The following ZFYVE26 variants were observed in gnomAD, a reference collection of about 807,000 sequenced individuals.
ZFYVE26 encodes the protein zinc finger FYVE domain-containing protein 26.
In ZFYVE26, 181 loss-of-function variants were observed where a neutral mutation model predicts 276.5. The observed-to-expected ratio is 0.65, with a 90% CI of 0.58 to 0.74. ZFYVE26 has a LOEUF of 0.74. Among genes scored for constraint, ZFYVE26 ranks in the 30% least tolerant of loss-of-function variants. The pLI, the probability that ZFYVE26 is intolerant of heterozygous loss-of-function variation, is 0.00. For missense variants in ZFYVE26, 2,821 were observed against 3,097.9 expected (o/e 0.91, Z 2.12); for synonymous variants, 1,129 against 1,203.1 (o/e 0.94, Z 1.27).
intron 28 of ZFYVE26, among the ~76,000 whole-genome samples, chr14:67,770,743 G>C (rs1290081603): frequency 6.6e-6 from 1 of 152,132 alleles, no homozygotes; most frequent in Non-Finnish European, 1.5e-5. Flanking sequence ...GCCAACTGTT[G>C]TCATTATTAG....
At chr14:67,767,556 T>C in intron 31 of ZFYVE26, 148 bp downstream of exon 31, 2 of 1,053,106 alleles carry the variant, frequency 1.9e-6, no homozygotes, top group South Asian at 1.4e-5. Flanking sequence ...CATTATTTTC[T>C]GCCTTAATGG....
In ZFYVE26 at chr14:67,778,461, G is replaced by A. The variant is rs73278455; in HGVS notation, c.4675-213C>T. 3.1e-3 allele frequency: 1,761 copies of A among 576,500 alleles called. 23 individuals are homozygous for A. The highest frequency in any genetic ancestry group is 0.03 in the African/African-American group (1,621 of 53,402). The allele number at this position is 576,500 out of a possible 1,614,324, so 35.7% of individuals were successfully genotyped here. On this transcript the variant is annotated intron_variant, in intron 23 of 41. Transcript: ENST00000347230. The stretch of plus-strand genomic sequence containing the variant: ...TGACATGTGGCAACAGACACTTGGT[G>A]TCAACCCTGGGAAGATTCTAAGGAA...
rs777973595 is a variant in ZFYVE26 at position 67,798,158 on chromosome 14, G to C, written c.2104C>G (p.Arg702Gly). Residue 702 changes from arginine (R) to glycine (G), a missense_variant, in exon 11 of 42, where the codon CGC becomes GGC. By Grantham distance (125) the Arg-to-Gly change is moderately radical. Coordinates refer to ENST00000347230, the MANE Select transcript of ZFYVE26 (RefSeq NM_015346.4). Reference protein sequence around the residue: ...LQEQLDEISSRSPPEKPKQES... With the variant: ...LQEQLDEISSGSPPEKPKQES... ...TGCTTTGGCTTCTCAGGAGGGCTGCGGCTACTGATCTCATCCAGTTGCTCT... is the reference window on the plus strand; with the variant it reads ...TGCTTTGGCTTCTCAGGAGGGCTGCCGCTACTGATCTCATCCAGTTGCTCT... 6.2e-7 allele frequency: 1 copy of C among 1,614,016 alleles called. No individual in the cohort carries two copies. The highest frequency in any genetic ancestry group is 2.2e-5 in the East Asian group (1 of 44,878).
chr14:67,791,777 G>C (rs994373824), intron 14 of ZFYVE26, among the ~76,000 whole-genome samples: 10 of 151,922 alleles, frequency 6.6e-5, no homozygotes, highest in Non-Finnish European at 1.5e-4. Context: ...AGGCTGGGGA[G>C]GGGCTGGCGT....
At position 67,814,011 on chromosome 14, in the gene ZFYVE26, A is replaced by G; in HGVS notation, c.248T>C (p.Leu83Pro). The part of the protein sequence containing the change: ...QRVAWVWLLV[L>P]EKWLAREKKL... ...CTTTTCCCGGGCCAACCATTTCTCC[A>G]GTACAAGAAGCCAGACCCAGGCTAC... is the stretch of plus-strand genomic sequence containing the variant. Residue 83 changes from leucine to proline, a missense_variant, in exon 3 of 42, where the codon CTG (leucine) becomes CCG (proline). Physicochemically the swap from Leu to Pro is moderately conservative, Grantham distance 98 (BLOSUM62 -3). Coordinates refer to ENST00000347230, the MANE Select transcript of ZFYVE26 (RefSeq NM_015346.4). The G allele has an allele frequency of 3.7e-6, 6 of 1,613,980 alleles. No homozygotes were observed. Among genetic ancestry groups the G allele is most frequent in the Non-Finnish European group, 5.1e-6 (6 of 1,179,888 alleles).
chr14:67,758,025 T>G (rs2038833694), intron 35 of ZFYVE26, among the ~76,000 whole-genome samples: 1 of 152,198 alleles, frequency 6.6e-6, no homozygotes, highest in Non-Finnish European at 1.5e-5. Context: ...TTTTGTCTGT[T>G]TTTTTACTAC....
At chr14:67,766,501 T>C in intron 31 of ZFYVE26, 54 bp from the exon 32 acceptor site, 2 of 1,554,750 alleles carry the variant, frequency 1.3e-6, no homozygotes, top group Non-Finnish European at 1.8e-6. Context: ...GCCAGAGCAT[T>C]CTCCAAAGGC....
chr14:67,789,501 C>CGT lies in ZFYVE26; in HGVS notation c.2851_2852dup (p.Ala952ArgfsTer3). ...GGGGAGCAGTGGGCTCCACTAGAGC[C>CGT]GTGCTTATCCAAAAGTCCTCCTGGA... is the stretch of plus-strand genomic sequence containing the variant. On this transcript the variant is annotated frameshift_variant, in exon 16 of 42. Transcript: ENST00000347230. LOFTEE classifies it high-confidence loss of function. 1 of 1,614,156 alleles carries CGT rather than the reference C, an allele frequency of 6.2e-7. No individual in the cohort carries two copies. The highest frequency in any genetic ancestry group is 8.5e-7 in the Non-Finnish European group (1 of 1,180,026).
chr14:67,808,533 T>A (rs1462264229), intron 4 of ZFYVE26, among the ~76,000 whole-genome samples: 6 of 151,954 alleles, frequency 3.9e-5, no homozygotes, highest in Admixed American at 3.9e-4. Context: ...CTAGAGCCTA[T>A]CCTCTGTTTG....
At chr14:67,815,743 C>A (rs2040387900) in intron 2 of ZFYVE26, 27 bp downstream of exon 2, 11 of 1,610,802 alleles carry the variant, frequency 6.8e-6, no homozygotes, top group Non-Finnish European at 9.3e-6. Flanking sequence ...ACCCTGGGAC[C>A]GTCTGGTAGG....
At chr14:67,808,166 G>C (rs992669769) in intron 4 of ZFYVE26, among the ~76,000 whole-genome samples, 2 of 152,126 alleles carry the variant, frequency 1.3e-5, no homozygotes, top group African/African-American at 2.4e-5. Context: ...TGAGGAGTTG[G>C]AGGCTGGAAG....
At position 67,769,578 on chromosome 14, in the gene ZFYVE26, G is replaced by A. The variant is rs1488652719; in HGVS notation, c.5621+16C>T. ...AGCGGTCAATAATAGCAACAGCCCT[G>A]CTGTAGGACACTCACTCTTTGTTGC... On this transcript the variant is annotated intron_variant, in intron 29 of 41. Coordinates refer to ENST00000347230, the MANE Select transcript of ZFYVE26 (RefSeq NM_015346.4). 4.3e-6 allele frequency: 7 copies of A among 1,613,360 alleles called. No homozygotes were observed. The highest frequency in any genetic ancestry group is 5.9e-6 in the Non-Finnish European group (7 of 1,179,706).
Position 67,785,112 on chromosome 14 carries a change from C to A in ZFYVE26, c.3470G>T (p.Ser1157Ile), listed in dbSNP as rs1060500989. The change falls in exon 19 of 42, where the codon AGT (serine) becomes ATT (isoleucine). Residue 1157 changes from serine to isoleucine, a missense_variant. Physicochemically the swap from Ser to Ile is moderately radical, Grantham distance 142 (BLOSUM62 -2). Coordinates refer to ENST00000347230, the MANE Select transcript of ZFYVE26 (RefSeq NM_015346.4). Reference sequence around the variant, plus strand: ...AACTGCAGCAAGGGTGCTGCAGTAACTGAAGAAGGTGCCCAAGTAGTCCAT... The same window carrying A: ...AACTGCAGCAAGGGTGCTGCAGTAAATGAAGAAGGTGCCCAAGTAGTCCAT... ...RQMDYLGTFF[S>I]YCSTLAAVLL... is the part of the protein sequence containing the mutation. 6.2e-7 allele frequency: 1 copy of A among 1,614,218 alleles called. No homozygotes were observed. Among genetic ancestry groups the A allele is most frequent in the South Asian group, 1.1e-5 (1 of 91,082 alleles).
At chr14:67,812,273 G>C (rs920624329) in intron 3 of ZFYVE26, among the ~76,000 whole-genome samples, 3 of 152,156 alleles carry the variant, frequency 2.0e-5, no homozygotes, top group Non-Finnish European at 4.4e-5. Context: ...AAGTAGCATA[G>C]ACGTGAACAT....
Position 67,804,143 on chromosome 14 carries a change from G to A in ZFYVE26, c.1393C>T (p.Leu465Phe). 2 of 1,614,216 alleles carry A rather than the reference G, an allele frequency of 1.2e-6. No homozygotes were observed. Among genetic ancestry groups the A allele is most frequent in the Non-Finnish European group, 1.7e-6 (2 of 1,180,022 alleles). ...TCCTTGGCTGGCACTTTCTGTAAGAGCTTGAGAACATCTTCCTCCCTGAGG... is the reference window on the plus strand; with the variant it reads ...TCCTTGGCTGGCACTTTCTGTAAGAACTTGAGAACATCTTCCTCCCTGAGG... ...PALREEDVLK[L>F]LQKVPAKDPQ... Residue 465 changes from leucine to phenylalanine, a missense_variant, in exon 9 of 42, where the codon CTC (leucine) becomes TTC (phenylalanine). Transcript: ENST00000347230.
rs1357344291 is a variant in ZFYVE26, at chr14:67,782,917, A to G, written c.4235T>C (p.Val1412Ala). The G allele has an allele frequency of 1.9e-6, 3 of 1,614,104 alleles. No homozygotes were observed. In the South Asian group the frequency reaches 3.3e-5, roughly 18 times the overall value. ...LGLHSPIALD[V>A]LSEAFEESLV... Reference sequence around the variant, plus strand: ...GGATTCCTCAAAAGCCTCACTCAGTACATCTAGGGCAATGGGAGAATGTAG... The same window carrying G: ...GGATTCCTCAAAAGCCTCACTCAGTGCATCTAGGGCAATGGGAGAATGTAG... Residue 1412 changes from valine to alanine, a missense_variant, in exon 21 of 42, where the codon GTA becomes GCA. Val to Ala is a moderately conservative substitution (Grantham distance 64). Coordinates refer to ENST00000347230, the MANE Select transcript of ZFYVE26 (RefSeq NM_015346.4).
chr14:67,782,495 A>T (rs1160765729), intron 21 of ZFYVE26, among the ~76,000 whole-genome samples: 1 of 152,090 alleles, frequency 6.6e-6, no homozygotes, highest in East Asian at 1.9e-4. Context: ...GGACCCAAAC[A>T]TTTGTAGTCT....
In ZFYVE26 at chr14:67,799,382, A is replaced by G. The variant is rs111422943; in HGVS notation, c.1640-760T>C. The G allele has an allele frequency of 1.8e-3, 2,892 of 1,611,944 alleles. 59 individuals carry two copies. The African/African-American group carries it at 0.035, about 19-fold the overall frequency. On this transcript the variant is annotated intron_variant, in intron 10 of 41. Transcript: ENST00000347230. The stretch of plus-strand genomic sequence containing the variant: ...CTTTGTCAAAGAATCGAAACAAAAG[A>G]TGAATGCAAGGAAAAGGAGGGCTCA...
At chr14:67,776,237 G>C in intron 25 of ZFYVE26, 131 bp from the exon 26 acceptor site, 1 of 1,318,836 alleles carries the variant, frequency 7.6e-7, no homozygotes, top group Non-Finnish European at 1.1e-6. Context: ...AAACAGACTC[G>C]CAGTCTTTTA....
Sources: gnomAD v4.1 joint callset for allele counts (sites outside exome capture counted in the v4.1 genomes callset) on GRCh38, gnomAD v4.1.1 for gene constraint, MANE v1.5 for transcripts, NCBI Gene and HGNC (gene_info 2026-07-23, HGNC 2026-07-21) for gene names.